The following KCNQ1 variants were observed in gnomAD, a reference collection of about 807,000 sequenced individuals.
The protein encoded by KCNQ1 is potassium voltage-gated channel subfamily Q member 1, also known as potassium voltage-gated channel subfamily KQT member 1.
Under a neutral mutation model 72.4 loss-of-function variants are expected in KCNQ1, and 49 were observed. The observed-to-expected ratio is 0.68, with a 90% CI of 0.54 to 0.86. KCNQ1 has a LOEUF of 0.86. Among genes scored for constraint, KCNQ1 ranks in the 40% least tolerant of loss-of-function variants. KCNQ1 has a pLI of 0.00. For synonymous variants in KCNQ1, 450 were observed against 412.6 expected (o/e 1.09, Z -1.10); for missense variants, 790 against 945.1 (o/e 0.84, Z 2.15).
In KCNQ1 at chr11:2,595,979, A is replaced by G. The variant is rs1171673141; in HGVS notation, c.1393+7125A>G. Among the ~76,000 whole-genome samples the G allele has an allele frequency of 1.3e-5, 2 of 152,222 alleles. No individual in the cohort carries two copies. Among genetic ancestry groups the G allele is most frequent in the Non-Finnish European group, 2.9e-5 (2 of 68,036 alleles). ...TGGGAAAAAGTTGATTCCAACCCTC[A>G]TGGATGACTGAGGGGTTGAAGATTT... is the stretch of plus-strand genomic sequence containing the variant. On this transcript the variant is annotated intron_variant, in intron 10 of 15. Transcript: ENST00000155840. This position sits in a 1 kb window ranked among gnomAD's most constrained non-coding sequence, Gnocchi z 5.0.
At position 2,498,585 on chromosome 11, in the gene KCNQ1, G is replaced by A. The variant is rs1846958526; in HGVS notation, c.387-29343G>A. 1.3e-5 allele frequency among the ~76,000 whole-genome samples: 2 copies of A among 152,238 alleles called. No homozygotes were observed. The highest frequency in any genetic ancestry group is 2.9e-5 in the Non-Finnish European group (2 of 68,040). On this transcript the variant is annotated intron_variant, in intron 1 of 15. Coordinates refer to ENST00000155840, the MANE Select transcript of KCNQ1 (RefSeq NM_000218.3). The surrounding 1 kb of genome is among the most constrained non-coding windows in gnomAD (Gnocchi z 4.8). ...AACTTCAGACTGCTGTGCTGGCAGTGAGAATTTGAAGCCAGTGGTTCTTAG... is the reference window on the plus strand; with the variant it reads ...AACTTCAGACTGCTGTGCTGGCAGTAAGAATTTGAAGCCAGTGGTTCTTAG...
rs745904601 is a variant in KCNQ1 at position 2,662,051 on chromosome 11, C to G, written c.1484C>G (p.Thr495Ser). ...GAGGACCTGGACCTGGAAGGGGAGA[C>G]TCTGCTGACACCCATCACCCACATC... is the stretch of plus-strand genomic sequence containing the variant. ...FAEDLDLEGE[T>S]LLTPITHISQ... is the part of the protein sequence containing the mutation. Residue 495 changes from threonine to serine, a missense_variant, in exon 11 of 16, where the codon ACT (threonine) becomes AGT (serine). Physicochemically the swap from Thr to Ser is moderately conservative, Grantham distance 58. This residue lies in a region of KCNQ1 where 178 missense variants were observed against 177.9 expected (regional missense o/e 1.00). Transcript: ENST00000155840. 1.9e-6 allele frequency: 3 copies of G among 1,614,238 alleles called. No homozygotes were observed. The highest frequency in any genetic ancestry group is 1.7e-6 in the Non-Finnish European group (2 of 1,180,046).
chr11:2,567,138 C>T lies in KCNQ1; in HGVS notation c.478-3490C>T, dbSNP rs1351263249. Among the ~76,000 whole-genome samples, 1 of 152,100 alleles carries T rather than the reference C, an allele frequency of 6.6e-6. No individual in the cohort carries two copies. The highest frequency in any genetic ancestry group is 1.5e-5 in the Non-Finnish European group (1 of 68,004). On this transcript the variant is annotated intron_variant, in intron 2 of 15. Transcript: ENST00000155840. The surrounding 1 kb of genome is among the most constrained non-coding windows in gnomAD (Gnocchi z 6.6). ...TCAGGGACAGCCCTAGACTGTCACC[C>T]TCAGTGTGGACAGCAGGAGCTATGG...
intron 6 of KCNQ1, among the ~76,000 whole-genome samples, chr11:2,582,199 C>T (rs1360867055): frequency 1.3e-5 from 2 of 152,176 alleles, no homozygotes; most frequent in Non-Finnish European, 2.9e-5. Flanking sequence ...TCTGGGCAGT[C>T]GCGTGAGCCG....
intron 11 of KCNQ1, among the ~76,000 whole-genome samples, chr11:2,751,426 C>A: frequency 6.6e-6 from 1 of 152,218 alleles, no homozygotes; most frequent in East Asian, 1.9e-4. Context: ...GAGCAGCTGC[C>A]CAAAGTGAGC....
intron 11 of KCNQ1, chr11:2,694,347 T>C (rs1361896588): frequency 5.0e-6 from 2 of 398,552 alleles, no homozygotes; most frequent in Non-Finnish European, 8.8e-6. Context: ...AGGGGACATA[T>C]GGCAATGTCT....
At position 2,491,192 on chromosome 11, in the gene KCNQ1, G is replaced by T. The variant is rs545850674; in HGVS notation, c.387-36736G>T. Among the ~76,000 whole-genome samples, 13 of 152,268 alleles carry T rather than the reference G, an allele frequency of 8.5e-5. No individual in the cohort carries two copies. Among genetic ancestry groups the T allele is most frequent in the African/African-American group, 2.9e-4 (12 of 41,550 alleles). ...TACAATAAATACCTAACTCTTTAAT[G>T]CCTAGACACCAATGAACAAGACCAT... On this transcript the variant is annotated intron_variant, in intron 1 of 15. Coordinates refer to ENST00000155840, the MANE Select transcript of KCNQ1 (RefSeq NM_000218.3). This position sits in a 1 kb window ranked among gnomAD's most constrained non-coding sequence, Gnocchi z 4.1.
rs1202647059 is a variant in KCNQ1, at chr11:2,734,821, C to A, written c.1515-34023C>A. 2.0e-5 allele frequency among the ~76,000 whole-genome samples: 3 copies of A among 152,054 alleles called. No individual in the cohort carries two copies. Among genetic ancestry groups the A allele is most frequent in the Non-Finnish European group, 4.4e-5 (3 of 68,002 alleles). ...CCTGCCTCCTCCAGCCTCAGTTTCC[C>A]CCACTGTGAAATAGGGATGACCTCC... On this transcript the variant is annotated intron_variant, in intron 11 of 15. Coordinates refer to ENST00000155840, the MANE Select transcript of KCNQ1 (RefSeq NM_000218.3). The surrounding 1 kb of genome is among the most constrained non-coding windows in gnomAD (Gnocchi z 7.0).
At position 2,654,138 on chromosome 11, in the gene KCNQ1, T is replaced by C; in HGVS notation, c.1394-7823T>C. On this transcript the variant is annotated intron_variant, in intron 10 of 15. Coordinates refer to ENST00000155840, the MANE Select transcript of KCNQ1 (RefSeq NM_000218.3). The surrounding 1 kb of genome is among the most constrained non-coding windows in gnomAD (Gnocchi z 6.4). ...CAGGTGGTGGCGGGGCCACTCTGGCTCAGGGTCTATGAGCCGGGCATGGGC... is the reference window on the plus strand; with the variant it reads ...CAGGTGGTGGCGGGGCCACTCTGGCCCAGGGTCTATGAGCCGGGCATGGGC... 1 of 398,514 alleles carries C rather than the reference T, an allele frequency of 2.5e-6. No homozygotes were observed. Among genetic ancestry groups the C allele is most frequent in the East Asian group, 3.6e-5 (1 of 28,072 alleles). The allele number at this position is 398,514 out of a possible 1,614,324, so 24.7% of individuals were successfully genotyped here. A position where few individuals can be genotyped will look rare whatever the true frequency, so the allele number is the denominator to read the frequency against.
chr11:2,754,661 G>A (rs1846272605), intron 11 of KCNQ1, among the ~76,000 whole-genome samples: 1 of 152,208 alleles, frequency 6.6e-6, no homozygotes, highest in Non-Finnish European at 1.5e-5. Context: ...AAAAGCTAGA[G>A]TTGGGCCCCC....
In KCNQ1 at chr11:2,664,331, G is replaced by A. The variant is rs568196956; in HGVS notation, c.1514+2250G>A. 18 of 398,878 alleles carry A rather than the reference G, an allele frequency of 4.5e-5. No individual in the cohort carries two copies. The highest frequency in any genetic ancestry group is 3.3e-4 in the African/African-American group (16 of 48,758). The allele number at this position is 398,878 out of a possible 1,614,324, so 24.7% of individuals were successfully genotyped here. A position where few individuals can be genotyped will look rare whatever the true frequency, so the allele number is the denominator to read the frequency against. On this transcript the variant is annotated intron_variant, in intron 11 of 15. Coordinates refer to ENST00000155840, the MANE Select transcript of KCNQ1 (RefSeq NM_000218.3). The surrounding 1 kb of genome is among the most constrained non-coding windows in gnomAD (Gnocchi z 5.1). ...TGGTCAGGGAAGACTCAGGGCTGAG[G>A]CTTCAGGGGAGCTGGGTTCCTGCAT...
chr11:2,693,316 G>A (rs1850619064), intron 11 of KCNQ1: 1 of 398,674 alleles, frequency 2.5e-6, no homozygotes, highest in South Asian at 1.3e-4. Flanking sequence ...ACAGGCCTGG[G>A]CCCTCTCTCC....
In KCNQ1 at chr11:2,536,043, A is replaced by T. The variant is rs1847726453; in HGVS notation, c.477+8025A>T. ...CCCGGGACAGCCTTGGTCCAGCCTC[A>T]CTGGCCACATGCTCTGCCGAGCACA... is the stretch of plus-strand genomic sequence containing the variant. On this transcript the variant is annotated intron_variant, in intron 2 of 15. Transcript: ENST00000155840. This position sits in a 1 kb window ranked among gnomAD's most constrained non-coding sequence, Gnocchi z 7.4. Among the ~76,000 whole-genome samples, 1 of 152,110 alleles carries T rather than the reference A, an allele frequency of 6.6e-6. No homozygotes were observed. Among genetic ancestry groups the T allele is most frequent in the Non-Finnish European group, 1.5e-5 (1 of 68,008 alleles).
At position 2,725,684 on chromosome 11, in the gene KCNQ1, G is replaced by C. The variant is rs972381385; in HGVS notation, c.1515-43160G>C. ...TGCCAAAGCCCCAGGCCCACAGGCT[G>C]TGCACTCCAGCCGAGGGCAGCCTGG... On this transcript the variant is annotated intron_variant, in intron 11 of 15. Transcript: ENST00000155840. This position sits in a 1 kb window ranked among gnomAD's most constrained non-coding sequence, Gnocchi z 7.2. Among the ~76,000 whole-genome samples the C allele has an allele frequency of 6.6e-6, 1 of 152,098 alleles. No individual in the cohort carries two copies.
chr11:2,517,202 G>A (rs574385838), intron 1 of KCNQ1, among the ~76,000 whole-genome samples: 24 of 152,276 alleles, frequency 1.6e-4, no homozygotes, highest in African/African-American at 2.2e-4. Flanking sequence ...AGCCCCGTGC[G>A]CAGCTGGACC....
In KCNQ1 at chr11:2,776,997, C is replaced by A. The variant is rs199472804; in HGVS notation, c.1697C>A (p.Ser566Tyr). The A allele has an allele frequency of 6.2e-7, 1 of 1,614,096 alleles. No homozygotes were observed. The highest frequency in any genetic ancestry group is 8.5e-7 in the Non-Finnish European group (1 of 1,179,990). The change falls in exon 14 of 16, where the codon TCC (serine) becomes TAC (tyrosine). Residue 566 changes from serine to tyrosine, a missense_variant. Physicochemically the swap from Ser to Tyr is moderately radical, Grantham distance 144 (BLOSUM62 -2). Around this residue, in one of 5 missense-constraint regions of KCNQ1, gnomAD observed 91 missense variants for 139.1 expected, o/e 0.65. Transcript: ENST00000155840. ...GTCCTTCTCTCCAGGCTGGACCAGT[C>A]CATTGGGAAGCCCTCACTGTTCATC... The part of the protein sequence containing the change: ...IKELQRRLDQ[S>Y]IGKPSLFISV...
At chr11:2,542,176 C>A (rs1564811395) in intron 2 of KCNQ1, among the ~76,000 whole-genome samples, 1 of 152,252 alleles carries the variant, frequency 6.6e-6, no homozygotes, top group Non-Finnish European at 1.5e-5. Flanking sequence ...GTGTGAAATT[C>A]AGGTCATATC....
chr11:2,532,001 C>A (rs1315333519), intron 2 of KCNQ1, among the ~76,000 whole-genome samples: 1 of 152,220 alleles, frequency 6.6e-6, no homozygotes, highest in Non-Finnish European at 1.5e-5. Flanking sequence ...CACTCCAGGC[C>A]AAGCCTTGGA....
rs2133852490 is a variant in KCNQ1, at chr11:2,659,135, A to G, written c.1394-2826A>G. 1 of 398,588 alleles carries G rather than the reference A, an allele frequency of 2.5e-6. No individual in the cohort carries two copies. Among genetic ancestry groups the G allele is most frequent in the African/African-American group, 2.1e-5 (1 of 48,732 alleles). The allele number at this position is 398,588 out of a possible 1,614,324, so 24.7% of individuals were successfully genotyped here. A position where few individuals can be genotyped will look rare whatever the true frequency, so the allele number is the denominator to read the frequency against. On this transcript the variant is annotated intron_variant, in intron 10 of 15. Coordinates refer to ENST00000155840, the MANE Select transcript of KCNQ1 (RefSeq NM_000218.3). The surrounding 1 kb of genome is among the most constrained non-coding windows in gnomAD (Gnocchi z 4.3). ...ATTTTTTAAATTTGCATACAGTAAA[A>G]TCCACTCTTTGAGATTCAGTTCTGT...
Sources: allele counts gnomAD v4.1 joint callset (sites outside exome capture counted in the v4.1 genomes callset), GRCh38; gene constraint gnomAD v4.1.1; regional missense constraint gnomAD v4.1.1; non-coding constraint Gnocchi (gnomAD v3.1); transcripts MANE v1.5; gene names NCBI Gene and HGNC (gene_info 2026-07-23, HGNC 2026-07-21).